The following HOPX variants were observed in gnomAD, a reference collection of about 807,000 sequenced individuals.
HOPX encodes the protein homeodomain-only protein.
A neutral mutation model predicts 11.8 loss-of-function variants in HOPX; 5 were observed. That is an observed-to-expected ratio of 0.43 (90% CI 0.22 to 0.89). HOPX has a LOEUF of 0.89. Among genes scored for constraint, HOPX ranks in the 40% least tolerant of loss-of-function variants. The probability of loss-of-function intolerance (pLI) is 0.28; values close to 1 mark genes in which losing one functional copy is unlikely to be tolerated. For synonymous variants in HOPX, 49 were observed against 49.7 expected (o/e 0.99, Z 0.06); for missense variants, 119 against 120.0 (o/e 0.99, Z 0.04).
At chr4:56,673,911 G>A (rs555452638) in intron 1 of HOPX, among the ~76,000 whole-genome samples, 1 of 151,632 alleles carries the variant, frequency 6.6e-6, no homozygotes, top group East Asian at 1.9e-4. Flanking sequence ...CACCATGTTG[G>A]CCAGGCTGGT....
chr4:56,667,287 C>T (rs1481742907), intron 1 of HOPX, among the ~76,000 whole-genome samples: 2 of 152,150 alleles, frequency 1.3e-5, no homozygotes. Context: ...CTATTTGCCT[C>T]ATTTCTTGGT....
chr4:56,654,770 C>A (rs1717511992), intron 3 of HOPX, among the ~76,000 whole-genome samples: 1 of 152,178 alleles, frequency 6.6e-6, no homozygotes, highest in South Asian at 2.1e-4. Context: ...AGCTTCTAAA[C>A]CTCAACTGAG....
intron 1 of HOPX, chr4:56,679,501 A>G (rs2109562424): frequency 6.7e-6 from 1 of 149,072 alleles, no homozygotes; most frequent in Non-Finnish European, 1.5e-5. Flanking sequence ...TTCTTAAGAC[A>G]GAATCTTGCT....
chr4:56,670,518 TC>T (rs1364324662), intron 1 of HOPX, among the ~76,000 whole-genome samples: 11 of 152,326 alleles, frequency 7.2e-5, no homozygotes, highest in African/African-American at 2.6e-4. Context: ...TAATAAATAT[TC>T]CTTTTATGTT....
intron 3 of HOPX, 94 bp from the exon 4 acceptor site, chr4:56,648,891 G>A (rs1370915144): frequency 2.1e-5 from 19 of 907,624 alleles, no homozygotes; most frequent in Non-Finnish European, 3.0e-5. Context: ...GGCACAAGTG[G>A]AAAGGAGAGA....
chr4:56,662,948 A>C (rs981550240), intron 1 of HOPX: 1 of 152,126 alleles, frequency 6.6e-6, no homozygotes, highest in Admixed American at 6.5e-5. Flanking sequence ...GGCCATTTTC[A>C]ACCTTTTCCT....
chr4:56,669,345 T>C (rs183966712), intron 1 of HOPX, among the ~76,000 whole-genome samples: 1 of 152,272 alleles, frequency 6.6e-6, no homozygotes, highest in African/African-American at 2.4e-5. Flanking sequence ...GTTGAGTTAA[T>C]GTGATCATAT....
At chr4:56,681,584 A>G, upstream of HOPX, 3 of 1,000,232 alleles carry the variant, frequency 3.0e-6, no homozygotes, top group Non-Finnish European at 3.6e-6. Context: ...AGATAGGATA[A>G]GAGAGATGTG....
At chr4:56,655,592 G>A (rs1413934184) in intron 3 of HOPX, among the ~76,000 whole-genome samples, 1 of 112,734 alleles carries the variant, frequency 8.9e-6, no homozygotes. Flanking sequence ...AGAAAGGACT[G>A]GTGACCGAGG....
At chr4:56,679,417 C>T (rs1036030853) in intron 1 of HOPX, 12 of 152,032 alleles carry the variant, frequency 7.9e-5, no homozygotes, top group Admixed American at 4.6e-4. Context: ...CCTTGGGAGT[C>T]CCCCCAAACA....
intron 1 of HOPX, chr4:56,665,098 C>T (rs368825139): frequency 8.5e-5 from 13 of 152,138 alleles, no homozygotes; most frequent in African/African-American, 3.1e-4. Flanking sequence ...CGGGACTACA[C>T]GTAAGCACCC....
At chr4:56,658,430 T>C (rs1315476932) in intron 1 of HOPX, among the ~76,000 whole-genome samples, 3 of 152,236 alleles carry the variant, frequency 2.0e-5, no homozygotes, top group African/African-American at 7.2e-5. Flanking sequence ...GGTTGGCTGC[T>C]GAGACTTGTG....
At chr4:56,670,330 C>T (rs566381506) in intron 1 of HOPX, among the ~76,000 whole-genome samples, 1 of 152,158 alleles carries the variant, frequency 6.6e-6, no homozygotes, top group African/African-American at 2.4e-5. Flanking sequence ...TCCTAATACA[C>T]CAAGAAATGA....
chr4:56,679,386 C>A (rs1719200099), intron 1 of HOPX: 1 of 152,116 alleles, frequency 6.6e-6, no homozygotes, highest in African/African-American at 2.4e-5. Flanking sequence ...ATATCCATCA[C>A]CCTCAAAAGT....
At chr4:56,669,393 G>A (rs1718609680) in intron 1 of HOPX, among the ~76,000 whole-genome samples, 1 of 151,930 alleles carries the variant, frequency 6.6e-6, no homozygotes, top group Non-Finnish European at 1.5e-5. Flanking sequence ...AGAATAAAAG[G>A]AGTGCTATTA....
At chr4:56,679,622 T>G (rs1237780693) in intron 1 of HOPX, 6 of 152,178 alleles carry the variant, frequency 3.9e-5, no homozygotes, top group Middle Eastern at 3.4e-3. Flanking sequence ...GGATTACAGG[T>G]GCCCACCACC....
At chr4:56,668,853 G>A (rs763669652) in intron 1 of HOPX, among the ~76,000 whole-genome samples, 14 of 152,102 alleles carry the variant, frequency 9.2e-5, no homozygotes, top group Non-Finnish European at 1.8e-4. Context: ...CATTTCTAAC[G>A]CCTCCACTTC....
At chr4:56,661,278 A>G (rs6824757) in intron 1 of HOPX, among the ~76,000 whole-genome samples, 26,395 of 152,188 alleles carry the variant, frequency 0.17, 3,133 homozygotes, top group East Asian at 0.33. Context: ...CATTCTGCGT[A>G]TAGAGAAGTT....
At chr4:56,664,003 C>T (rs980487378) in intron 1 of HOPX, 1 of 152,176 alleles carries the variant, frequency 6.6e-6, no homozygotes, top group East Asian at 1.9e-4. Flanking sequence ...TTTGCTGAGC[C>T]TCCATTTCAT....
Sources: gnomAD v4.1 joint callset for allele counts (sites outside exome capture counted in the v4.1 genomes callset) on GRCh38, gnomAD v4.1.1 for gene constraint, MANE v1.5 for transcripts, NCBI Gene and HGNC (gene_info 2026-07-23, HGNC 2026-07-21) for gene names.